SHCBP1L: variants seen among roughly 807,000 people sequenced by gnomAD.
The protein encoded by SHCBP1L is SHC binding and spindle associated 1 like, also known as testicular spindle-associated protein SHCBP1L.
SHCBP1L carries 67 observed loss-of-function variants against 62.5 expected under a neutral mutation model. That is an observed-to-expected ratio of 1.07 (90% CI 0.88 to 1.31). The LOEUF (loss-of-function observed/expected upper bound fraction) is 1.31, where lower values mean the gene tolerates loss of function less well. Among genes scored for constraint, SHCBP1L ranks in the 40% most tolerant of loss-of-function variants. SHCBP1L has a pLI of 0.00. For missense variants in SHCBP1L, 823 were observed against 809.8 expected (o/e 1.02, Z -0.20); for synonymous variants, 284 against 289.4 (o/e 0.98, Z 0.19).
chr1:182,950,434 T>G (rs1201651638), intron 2 of SHCBP1L: 1 of 152,156 alleles, frequency 6.6e-6, no homozygotes, highest in East Asian at 2.0e-4. Context: ...GAGACCAGTC[T>G]GGCCAACATG....
At chr1:182,907,591 T>G (rs978999795) in intron 6 of SHCBP1L, among the ~76,000 whole-genome samples, 10 of 151,318 alleles carry the variant, frequency 6.6e-5, no homozygotes, top group Non-Finnish European at 1.2e-4. Context: ...TTGTTATTAT[T>G]ATTACTATTT....
At chr1:182,921,424 A>G (rs1310039931) in intron 6 of SHCBP1L, among the ~76,000 whole-genome samples, 1 of 152,226 alleles carries the variant, frequency 6.6e-6, no homozygotes, top group Non-Finnish European at 1.5e-5. Context: ...CATTCACACT[A>G]TAAAGTAACT....
At chr1:182,943,549 C>T (rs906400170) in intron 2 of SHCBP1L, among the ~76,000 whole-genome samples, 42 of 151,418 alleles carry the variant, frequency 2.8e-4, no homozygotes, top group Non-Finnish European at 4.3e-4. Flanking sequence ...CAGGTTCAAG[C>T]GATTCTCCAG....
Position 182,951,322 on chromosome 1 carries a change from A to G in SHCBP1L, c.551T>C (p.Val184Ala). 6.4e-7 allele frequency: 1 copy of G among 1,553,760 alleles called. No homozygotes were observed. Among genetic ancestry groups the G allele is most frequent in the Non-Finnish European group, 8.7e-7 (1 of 1,152,936 alleles). Residue 184 changes from valine (V) to alanine (A), a missense_variant, in exon 2 of 10, where the codon GTT (valine) becomes GCT (alanine). Coordinates refer to ENST00000367547, the MANE Select transcript of SHCBP1L (RefSeq NM_030933.4). ...EASIPFVGIL[V>A]EVTCEPYQDS... Reference sequence around the variant, plus strand: ...GATCAAATAAAATTTATTTACCTCAACCAATATACCAACAAAAGGGATAGA... The same window carrying G: ...GATCAAATAAAATTTATTTACCTCAGCCAATATACCAACAAAAGGGATAGA...
intron 6 of SHCBP1L, 60 bp downstream of exon 6, chr1:182,929,587 T>C: frequency 3.0e-5 from 34 of 1,143,992 alleles, no homozygotes; most frequent in Non-Finnish European, 4.0e-5. Flanking sequence ...TCAGGGAGCT[T>C]CTTTTCCGAT....
intron 2 of SHCBP1L, among the ~76,000 whole-genome samples, chr1:182,945,207 G>A (rs558114432): frequency 2.6e-5 from 4 of 152,016 alleles, no homozygotes; most frequent in Admixed American, 6.5e-5. Context: ...CAGGCAATCC[G>A]TCCGTCTTGG....
At chr1:182,944,480 T>G (rs1011466747) in intron 2 of SHCBP1L, 2 of 149,238 alleles carry the variant, frequency 1.3e-5, no homozygotes, top group African/African-American at 2.5e-5. Flanking sequence ...CAGAGTGGTA[T>G]GGCCGTAGAT....
intron 6 of SHCBP1L, among the ~76,000 whole-genome samples, chr1:182,918,177 T>TACATATATATACACATATATAC (rs1557994205): frequency 2.1e-5 from 3 of 146,328 alleles, no homozygotes; most frequent in African/African-American, 5.1e-5. Flanking sequence ...CACACATATA[T>TACATATATATACACATATATAC]ACATATATAT....
intron 2 of SHCBP1L, among the ~76,000 whole-genome samples, chr1:182,947,526 G>A (rs1181738502): frequency 6.6e-6 from 1 of 152,066 alleles, no homozygotes; most frequent in East Asian, 1.9e-4. Flanking sequence ...GTTGACCCTT[G>A]AACAACACAT....
intron 5 of SHCBP1L, among the ~76,000 whole-genome samples, chr1:182,930,699 G>GTATA (rs1484826938): frequency 1.7e-5 from 1 of 58,808 alleles, no homozygotes; most frequent in African/African-American, 9.3e-5. Context: ...GTGTGTGTGT[G>GTATA]TGTGTATATA....
At chr1:182,925,971 TTA>T (rs1220972393) in intron 6 of SHCBP1L, among the ~76,000 whole-genome samples, 1 of 152,188 alleles carries the variant, frequency 6.6e-6, no homozygotes, top group African/African-American at 2.4e-5. Flanking sequence ...GTCAGATATT[TTA>T]TGATTCCATT....
intron 6 of SHCBP1L, among the ~76,000 whole-genome samples, chr1:182,918,042 C>A (rs774885658): frequency 1.3e-5 from 2 of 150,456 alleles, no homozygotes; most frequent in South Asian, 4.2e-4. Flanking sequence ...GATGACATGA[C>A]CCTATATATA....
intron 2 of SHCBP1L, chr1:182,942,389 T>C: frequency 1.4e-6 from 1 of 736,220 alleles, no homozygotes; most frequent in Admixed American, 1.9e-5. Context: ...GGAGCTGACC[T>C]TCCTCTTGGG....
chr1:182,938,361 C>T (rs1651247494), intron 5 of SHCBP1L, among the ~76,000 whole-genome samples: 2 of 152,140 alleles, frequency 1.3e-5, no homozygotes, highest in Admixed American at 6.6e-5. Flanking sequence ...ACCTCGGCCT[C>T]CCAAAGTGCT....
intron 6 of SHCBP1L, among the ~76,000 whole-genome samples, chr1:182,911,616 G>A (rs1650190160): frequency 6.6e-6 from 1 of 152,092 alleles, no homozygotes; most frequent in Non-Finnish European, 1.5e-5. Flanking sequence ...TAAAGAACTA[G>A]AAGCAACCAG....
intron 6 of SHCBP1L, among the ~76,000 whole-genome samples, chr1:182,911,327 T>A (rs1650178802): frequency 6.6e-6 from 1 of 152,136 alleles, no homozygotes; most frequent in South Asian, 2.1e-4. Flanking sequence ...AGAAAAGTCA[T>A]TAAACAAACA....
chr1:182,925,259 G>T (rs995508820), intron 6 of SHCBP1L, among the ~76,000 whole-genome samples: 3 of 152,064 alleles, frequency 2.0e-5, no homozygotes, highest in African/African-American at 7.2e-5. Context: ...AAGGAATGGG[G>T]GGTAAAAATT....
chr1:182,900,612 T>C lies in SHCBP1L; in HGVS notation c.1711-378A>G, dbSNP rs1337687692. Among the ~76,000 whole-genome samples the C allele has an allele frequency of 6.6e-5, 10 of 152,210 alleles. No individual in the cohort carries two copies. The East Asian group carries it at 1.9e-3, about 29-fold the overall frequency. The stretch of plus-strand genomic sequence containing the variant: ...CACACCTGGCTAATTTTTGTATTTT[T>C]AGTAGAGACGGGGTTTCAATATTTT... On this transcript the variant is annotated intron_variant, in intron 9 of 9. Coordinates refer to ENST00000367547, the MANE Select transcript of SHCBP1L (RefSeq NM_030933.4).
chr1:182,942,375 C>T (rs1419728304), intron 2 of SHCBP1L: 111 of 753,178 alleles, frequency 1.5e-4, no homozygotes, highest in Non-Finnish European at 2.2e-4. Context: ...GCGGCCCCTT[C>T]GGCGGAGCTG....
Sources: gnomAD v4.1 joint callset for allele counts (sites outside exome capture counted in the v4.1 genomes callset) on GRCh38, gnomAD v4.1.1 for gene constraint, MANE v1.5 for transcripts, NCBI Gene and HGNC (gene_info 2026-07-23, HGNC 2026-07-21) for gene names.